The following NMUR2 variants were observed in gnomAD, a reference collection of about 807,000 sequenced individuals.
NMUR2 encodes neuromedin U receptor 2, also known as neuromedin-U receptor 2.
Under a neutral mutation model 25.1 loss-of-function variants are expected in NMUR2, and 24 were observed. That is an observed-to-expected ratio of 0.96 (90% CI 0.69 to 1.34). The LOEUF (loss-of-function observed/expected upper bound fraction) is 1.34, where lower values mean the gene tolerates loss of function less well. Among genes scored for constraint, NMUR2 ranks in the 40% most tolerant of loss-of-function variants. The pLI is 0.00. For synonymous variants in NMUR2, 218 were observed against 208.1 expected (o/e 1.05, Z -0.41); for missense variants, 533 against 512.8 (o/e 1.04, Z -0.38).
intron 1 of NMUR2, among the ~76,000 whole-genome samples, chr5:152,402,084 AG>A (rs1046234830): frequency 6.6e-6 from 1 of 152,232 alleles, no homozygotes; most frequent in African/African-American, 2.4e-5. Context: ...CAATTAATTA[AG>A]GAATCCATAA....
In NMUR2 at chr5:152,392,052, T is replaced by C. The variant is rs1417061249; in HGVS notation, c.*139A>G. On this transcript the variant is annotated 3_prime_UTR_variant, in exon 4 of 4. Transcript: ENST00000255262. ...TCTAACTCTCAGTTTTCACGTTTAT[T>C]AAAAAAAAAAAAACTAGCAATGGGT... 1.8e-6 allele frequency: 1 copy of C among 554,012 alleles called. No individual in the cohort carries two copies. Among genetic ancestry groups the C allele is most frequent in the Admixed American group, 3.7e-5 (1 of 26,908 alleles). The allele number at this position is 554,012 out of a possible 1,614,324, so 34.3% of individuals were successfully genotyped here. A position where few individuals can be genotyped will look rare whatever the true frequency, so the allele number is the denominator to read the frequency against.
chr5:152,398,720 C>T (rs905920806), intron 1 of NMUR2, among the ~76,000 whole-genome samples: 2 of 152,118 alleles, frequency 1.3e-5, no homozygotes, highest in Non-Finnish European at 2.9e-5. Flanking sequence ...CATATCTTAG[C>T]CAAAAGGGAG....
At chr5:152,402,390 T>C (rs1393550197) in intron 1 of NMUR2, among the ~76,000 whole-genome samples, 1 of 152,204 alleles carries the variant, frequency 6.6e-6, no homozygotes, top group Non-Finnish European at 1.5e-5. Flanking sequence ...GAAGTGACTT[T>C]GTAAGCGTTA....
intron 2 of NMUR2, among the ~76,000 whole-genome samples, chr5:152,397,300 C>G (rs1396800637): frequency 6.6e-6 from 1 of 152,032 alleles, no homozygotes; most frequent in Non-Finnish European, 1.5e-5. Context: ...TTATAAATCT[C>G]CTTTCCCTCA....
At chr5:152,401,947 G>T (rs1025735450) in intron 1 of NMUR2, among the ~76,000 whole-genome samples, 3 of 152,170 alleles carry the variant, frequency 2.0e-5, no homozygotes, top group African/African-American at 7.2e-5. Context: ...CATTAGGATT[G>T]CTTGGGTCTC....
chr5:152,397,544 C>T (rs928311762), intron 2 of NMUR2, among the ~76,000 whole-genome samples: 3 of 151,136 alleles, frequency 2.0e-5, no homozygotes, highest in Non-Finnish European at 4.4e-5. Context: ...GGGGTTGGTT[C>T]GTGACCTCCT....
chr5:152,401,732 T>A (rs1753257540), intron 1 of NMUR2, among the ~76,000 whole-genome samples: 1 of 152,186 alleles, frequency 6.6e-6, no homozygotes, highest in African/African-American at 2.4e-5. Context: ...TCTATAATGT[T>A]CAAAGCCTGG....
chr5:152,403,127 C>T (rs766005936), intron 1 of NMUR2, among the ~76,000 whole-genome samples: 10 of 152,148 alleles, frequency 6.6e-5, no homozygotes, highest in Non-Finnish European at 1.3e-4. Flanking sequence ...CACATTACTT[C>T]AGCTCACAGG....
chr5:152,397,800 A>G (rs1274256470), intron 2 of NMUR2, among the ~76,000 whole-genome samples: 1 of 152,236 alleles, frequency 6.6e-6, no homozygotes, highest in East Asian at 1.9e-4. Flanking sequence ...AGGGTTCAAA[A>G]CCAAAAATGA....
At position 152,402,177 on chromosome 5, in the gene NMUR2, T is replaced by A. The variant is rs142217181; in HGVS notation, c.726+2211A>T. Among the ~76,000 whole-genome samples the A allele has an allele frequency of 5.4e-3, 827 of 152,092 alleles. 3 individuals carry two copies. Among genetic ancestry groups the A allele is most frequent in the Middle Eastern group, 0.01 (3 of 294 alleles). ...ACAGGAAACAGGGATGCTCAGGGAA[T>A]CTGGGAGAGCTTCCCTGAGGAAGCG... On this transcript the variant is annotated intron_variant, in intron 1 of 3. Transcript: ENST00000255262.
intron 3 of NMUR2, among the ~76,000 whole-genome samples, chr5:152,393,529 C>G (rs1268455096): frequency 6.6e-6 from 1 of 152,100 alleles, no homozygotes; most frequent in East Asian, 1.9e-4. Context: ...ATTGATTTAA[C>G]TCTTATTATG....
chr5:152,401,481 T>C (rs1580890170), intron 1 of NMUR2, among the ~76,000 whole-genome samples: 1 of 152,234 alleles, frequency 6.6e-6, no homozygotes, highest in Non-Finnish European at 1.5e-5. Flanking sequence ...AGTTTCAGAA[T>C]ACCAGATTAT....
chr5:152,403,585 A>G (rs1387519639), intron 1 of NMUR2, among the ~76,000 whole-genome samples: 2 of 151,646 alleles, frequency 1.3e-5, no homozygotes, highest in African/African-American at 4.8e-5. Context: ...AATTTCAGAT[A>G]AGCTCTTATT....
chr5:152,403,751 A>G lies in NMUR2; in HGVS notation c.726+637T>C, dbSNP rs142123673. On this transcript the variant is annotated intron_variant, in intron 1 of 3. Transcript: ENST00000255262. ...TTATATATATGACTATATATTATAT[A>G]TGTAACTATACATATAATATATATA... Among the ~76,000 whole-genome samples the G allele has an allele frequency of 4.8e-3, 683 of 142,054 alleles. 4 individuals are homozygous for G. The highest frequency in any genetic ancestry group is 0.017 in the African/African-American group (654 of 39,330). 93.2% of individuals were successfully genotyped at this position (142,054 alleles called of 152,430 possible).
Position 152,404,920 on chromosome 5 carries a change from AG to A in NMUR2, c.193del (p.Leu65TrpfsTer5). 1 of 1,614,094 alleles carries A rather than the reference AG, an allele frequency of 6.2e-7. No homozygotes were observed. The highest frequency in any genetic ancestry group is 8.5e-7 in the Non-Finnish European group (1 of 1,180,012). ...IFVVGVIGNVLVCLVILQHQA... is the reference protein window; with the variant it reads ...IFVVGVIGNVXVCLVILQHQA... ...GTGCTGCAGAATCACCAGGCACACC[AG>A]GACATTGCCAATGACCCCCACCACA... On this transcript the variant is annotated frameshift_variant, in exon 1 of 4. Coordinates refer to ENST00000255262, the MANE Select transcript of NMUR2 (RefSeq NM_020167.5). LOFTEE classifies it high-confidence loss of function.
rs1268614878 is a variant in NMUR2 at position 152,405,125 on chromosome 5, G to A, written c.-12C>T. 6.3e-7 allele frequency: 1 copy of A among 1,589,878 alleles called. No individual in the cohort carries two copies. On this transcript the variant is annotated 5_prime_UTR_variant, in exon 1 of 4. Transcript: ENST00000255262. ...TCCATCCCTGACATTAAAATCCAAG[G>A]CCTGAGCCTCCCCTGGTACGAGGCT...
In NMUR2 at chr5:152,404,396, C is replaced by T; in HGVS notation, c.718G>A (p.Ala240Thr). The T allele has an allele frequency of 6.2e-7, 1 of 1,610,834 alleles. No homozygotes were observed. Among genetic ancestry groups the T allele is most frequent in the South Asian group, 1.1e-5 (1 of 90,722 alleles). Residue 240 changes from alanine to threonine, a missense_variant, in exon 1 of 4, where the codon GCA becomes ACA. Transcript: ENST00000255262. ...CCAGCCTAGATACTCACTCTGAGTG[C>T]CATGAGGTAGTAGAGGACACTGATG... ...TVISVLYYLM[A>T]LRLKKDKSLE...
At position 152,392,136 on chromosome 5, in the gene NMUR2, G is replaced by A; in HGVS notation, c.*55C>T. Reference sequence around the variant, plus strand: ...TATCATATGAGAAGGCATACATTATGGGATGTTCCTCTCTGAAGTTTTGAG... The same window carrying A: ...TATCATATGAGAAGGCATACATTATAGGATGTTCCTCTCTGAAGTTTTGAG... On this transcript the variant is annotated 3_prime_UTR_variant, in exon 4 of 4. Coordinates refer to ENST00000255262, the MANE Select transcript of NMUR2 (RefSeq NM_020167.5). 1 of 1,407,570 alleles carries A rather than the reference G, an allele frequency of 7.1e-7. No homozygotes were observed. The highest frequency in any genetic ancestry group is 9.9e-7 in the Non-Finnish European group (1 of 1,014,244). The allele number at this position is 1,407,570 out of a possible 1,614,324, so 87.2% of individuals were successfully genotyped here. A position where few individuals can be genotyped will look rare whatever the true frequency, so the allele number is the denominator to read the frequency against.
intron 3 of NMUR2, among the ~76,000 whole-genome samples, chr5:152,393,816 G>A (rs1248664681): frequency 6.6e-6 from 1 of 152,152 alleles, no homozygotes; most frequent in African/African-American, 2.4e-5. Flanking sequence ...GATAGTTGAG[G>A]AAGACAGGAG....
Sources: gnomAD v4.1 joint callset for allele counts (sites outside exome capture counted in the v4.1 genomes callset) on GRCh38, gnomAD v4.1.1 for gene constraint, MANE v1.5 for transcripts, NCBI Gene and HGNC (gene_info 2026-07-23, HGNC 2026-07-21) for gene names.